RIMBP2: variants seen among roughly 807,000 people sequenced by gnomAD.
The protein encoded by RIMBP2 is RIMS binding protein 2, also known as RIMS-binding protein 2.
Under a neutral mutation model 118.6 loss-of-function variants are expected in RIMBP2, and 48 were observed. That is an observed-to-expected ratio of 0.40 (90% confidence interval 0.32 to 0.51). RIMBP2 has a LOEUF of 0.51. RIMBP2 is among the 20% of genes least tolerant of loss of function. RIMBP2 has a pLI of 0.41. For synonymous variants in RIMBP2, 762 were observed against 742.9 expected, an observed-to-expected ratio of 1.03 and a Z score of -0.42; for missense variants, 1,551 against 1,768.3, an observed-to-expected ratio of 0.88 and a Z score of 2.20.
chr12:130,582,642 G>C (rs1177006769), intron 2 of RIMBP2, among the ~76,000 whole-genome samples: 1 of 152,190 alleles, frequency 6.6e-6, no homozygotes, highest in African/African-American at 2.4e-5. Flanking sequence ...CTAGACCAGT[G>C]GTTCTCAAAG....
intron 21 of RIMBP2, 128 bp from the exon 22 acceptor site, chr12:130,399,941 A>G (rs1593157607): frequency 9.8e-7 from 1 of 1,015,972 alleles, no homozygotes; most frequent in Non-Finnish European, 1.4e-6. Flanking sequence ...AAGTGGCAGG[A>G]CTTGAAAGGA....
chr12:130,555,636 C>G (rs2056276892), intron 2 of RIMBP2, among the ~76,000 whole-genome samples: 1 of 152,178 alleles, frequency 6.6e-6, no homozygotes, highest in Admixed American at 6.5e-5. Flanking sequence ...AATAAAAGAT[C>G]TATCCGGGGC....
At chr12:130,664,447 G>GTGCACACACA (rs1566439284) in intron 1 of RIMBP2, among the ~76,000 whole-genome samples, 1 of 122,504 alleles carries the variant, frequency 8.2e-6, no homozygotes, top group East Asian at 2.5e-4. Context: ...ACGCACACAC[G>GTGCACACACA]CACACACATG....
chr12:130,600,228 A>C (rs1277992053), intron 2 of RIMBP2, among the ~76,000 whole-genome samples: 1 of 152,248 alleles, frequency 6.6e-6, no homozygotes, highest in African/African-American at 2.4e-5. Context: ...AAGTACTGCC[A>C]TTTTAAGTTT....
At chr12:130,513,653 A>G (rs946636473) in intron 3 of RIMBP2, among the ~76,000 whole-genome samples, 1 of 152,206 alleles carries the variant, frequency 6.6e-6, no homozygotes, top group Non-Finnish European at 1.5e-5. Context: ...ATCCCAGCTC[A>G]TCGGTTTCCT....
chr12:130,548,871 G>C (rs1416875432), intron 2 of RIMBP2, among the ~76,000 whole-genome samples: 3 of 151,980 alleles, frequency 2.0e-5, no homozygotes, highest in African/African-American at 7.2e-5. Context: ...ACAGGCATGA[G>C]CCGCCGTGCC....
intron 1 of RIMBP2, among the ~76,000 whole-genome samples, chr12:130,646,328 TG>T (rs1382652599): frequency 8.5e-6 from 1 of 118,008 alleles, no homozygotes; most frequent in African/African-American, 3.1e-5. Context: ...CCTCTCCACC[TG>T]CCTCACCACC....
At chr12:130,713,437 C>T (rs1950108774) in intron 1 of RIMBP2, among the ~76,000 whole-genome samples, 1 of 150,208 alleles carries the variant, frequency 6.7e-6, no homozygotes, top group East Asian at 2.1e-4. Flanking sequence ...GGTTGCAAGC[C>T]TCCTCCCACA....
At chr12:130,654,299 C>T (rs1185374615) in intron 1 of RIMBP2, among the ~76,000 whole-genome samples, 1 of 152,194 alleles carries the variant, frequency 6.6e-6, no homozygotes, top group Admixed American at 6.5e-5. Flanking sequence ...TTAGAAATTT[C>T]TTCCACCAGA....
In RIMBP2 at chr12:130,583,467, A is replaced by ACATCAC. The variant is rs747024910; in HGVS notation, c.-217+44849_-217+44854dup. 6.4e-5 allele frequency among the ~76,000 whole-genome samples: 8 copies of ACATCAC among 125,742 alleles called. No individual in the cohort carries two copies. In the South Asian group the frequency reaches 1.1e-3, roughly 17 times the overall value. 82.5% of individuals were successfully genotyped at this position (125,742 alleles called of 152,430 possible). A position where few individuals can be genotyped will look rare whatever the true frequency, so the allele number is the denominator to read the frequency against. On this transcript the variant is annotated intron_variant, in intron 2 of 22. Coordinates refer to ENST00000690449, the MANE Select transcript of RIMBP2 (RefSeq NM_001393629.1). ...TTACATCATCACTATCATGACCATT[A>ACATCAC]CATCACCATCACCATCACCTCATCA...
At chr12:130,548,871 G>A (rs1416875432) in intron 2 of RIMBP2, among the ~76,000 whole-genome samples, 1 of 151,980 alleles carries the variant, frequency 6.6e-6, no homozygotes, top group Non-Finnish European at 1.5e-5. Flanking sequence ...ACAGGCATGA[G>A]CCGCCGTGCC....
intron 2 of RIMBP2, among the ~76,000 whole-genome samples, chr12:130,628,095 C>T (rs1036402138): frequency 3.3e-5 from 5 of 152,214 alleles, no homozygotes; most frequent in Non-Finnish European, 7.3e-5. Context: ...GCATCAAGTT[C>T]TTTCTTGCCT....
chr12:130,615,291 ATATATG>A lies in RIMBP2; in HGVS notation c.-217+13025_-217+13030del, dbSNP rs1305260946. 1.4e-3 allele frequency among the ~76,000 whole-genome samples: 179 copies of A among 128,236 alleles called. 5 individuals are homozygous for A. Among genetic ancestry groups the A allele is most frequent in the Middle Eastern group, 3.8e-3 (1 of 266 alleles). The allele number at this position is 128,236 out of a possible 152,430, so 84.1% of individuals were successfully genotyped here. ...AATACACATACATATATATATATAT[ATATATG>A]TGTACACACAAACATATATAGATAT... On this transcript the variant is annotated intron_variant, in intron 2 of 22. Coordinates refer to ENST00000690449, the MANE Select transcript of RIMBP2 (RefSeq NM_001393629.1).
At position 130,450,073 on chromosome 12, in the gene RIMBP2, C is replaced by G; in HGVS notation, c.581+127G>C. 1.5e-6 allele frequency: 1 copy of G among 659,202 alleles called. No homozygotes were observed. The allele number at this position is 659,202 out of a possible 1,614,324, so 40.8% of individuals were successfully genotyped here. ...AACCCTGCTCAGCCTCCAGGCCAGGCTGAAATCCCACCTTCTCCTCGTGCC... is the reference window on the plus strand; with the variant it reads ...AACCCTGCTCAGCCTCCAGGCCAGGGTGAAATCCCACCTTCTCCTCGTGCC... On this transcript the variant is annotated intron_variant, in intron 9 of 22. Coordinates refer to ENST00000690449, the MANE Select transcript of RIMBP2 (RefSeq NM_001393629.1). This position sits in a 1 kb window ranked among gnomAD's most constrained non-coding sequence, Gnocchi z 4.8.
rs1295427335 is a variant in RIMBP2, at chr12:130,621,612, T to C, written c.-217+6710A>G. ...GGCATAGCAAGCCCCAAGGCCTCTC[T>C]GAGCCCACGGCTATATCAGCAGCCT... On this transcript the variant is annotated intron_variant, in intron 2 of 22. Coordinates refer to ENST00000690449, the MANE Select transcript of RIMBP2 (RefSeq NM_001393629.1). The surrounding 1 kb of genome is among the most constrained non-coding windows in gnomAD (Gnocchi z 6.6). Among the ~76,000 whole-genome samples the C allele has an allele frequency of 6.6e-6, 1 of 152,224 alleles. No homozygotes were observed. Among genetic ancestry groups the C allele is most frequent in the East Asian group, 1.9e-4 (1 of 5,196 alleles).
At chr12:130,517,703 G>A (rs1246351680) in intron 3 of RIMBP2, 125 bp downstream of exon 3, 4 of 202,082 alleles carry the variant, frequency 2.0e-5, no homozygotes, top group East Asian at 1.9e-4. Context: ...ACCTGGCTCA[G>A]CCTCTCAGGC....
intron 1 of RIMBP2, among the ~76,000 whole-genome samples, chr12:130,650,698 C>G (rs1323888833): frequency 6.6e-6 from 1 of 152,122 alleles, no homozygotes; most frequent in African/African-American, 2.4e-5. Flanking sequence ...TCTGAAGACC[C>G]CTTTCCACCA....
chr12:130,573,447 C>T (rs1359112199), intron 2 of RIMBP2, among the ~76,000 whole-genome samples: 3 of 151,442 alleles, frequency 2.0e-5, no homozygotes, highest in East Asian at 1.9e-4. Context: ...TGCGTGGGTG[C>T]GTGCGTGGGT....
chr12:130,510,499 C>T (rs1033242621), intron 3 of RIMBP2, among the ~76,000 whole-genome samples: 1 of 152,054 alleles, frequency 6.6e-6, no homozygotes, highest in Non-Finnish European at 1.5e-5. Context: ...GATGGAGTCT[C>T]GCTCTGTCAC....
Sources: gnomAD v4.1 joint callset for allele counts (sites outside exome capture counted in the v4.1 genomes callset) on GRCh38, gnomAD v4.1.1 for gene constraint, Gnocchi (gnomAD v3.1) non-coding constraint, MANE v1.5 for transcripts, NCBI Gene and HGNC (gene_info 2026-07-23, HGNC 2026-07-21) for gene names.